JAKMIP1: variants seen among roughly 807,000 people sequenced by gnomAD.
JAKMIP1 encodes the protein janus kinase and microtubule-interacting protein 1.
In JAKMIP1, 33 loss-of-function variants were observed where a neutral mutation model predicts 113.0. The ratio of observed to expected loss-of-function variants is 0.29; its 90% CI spans 0.22 to 0.39. The LOEUF (loss-of-function observed/expected upper bound fraction) is 0.39. JAKMIP1 is among the 10% of genes least tolerant of loss of function. The pLI is 1.00. For synonymous variants in JAKMIP1, 480 were observed against 459.9 expected (o/e 1.04, Z -0.56); for missense variants, 813 against 1,080.5 (o/e 0.75, Z 3.47).
rs1005265871 is a variant in JAKMIP1 at position 6,185,322 on chromosome 4, G to A, written c.-148+14931C>T. ...TGCCCTAGTTCTTAAACTGGAGAGT[G>A]TATTGGAATTGCTCCGAGGGCTCAT... On this transcript the variant is annotated intron_variant, in intron 1 of 20. Transcript: ENST00000409021. The surrounding 1 kb of genome is among the most constrained non-coding windows in gnomAD (Gnocchi z 5.3). Among the ~76,000 whole-genome samples, 16 of 152,190 alleles carry A rather than the reference G, an allele frequency of 1.1e-4. No homozygotes were observed. The highest frequency in any genetic ancestry group is 3.9e-4 in the African/African-American group (16 of 41,452).
intron 1 of JAKMIP1, among the ~76,000 whole-genome samples, chr4:6,177,762 A>ATG (rs1360435234): frequency 6.6e-6 from 1 of 151,972 alleles, no homozygotes; most frequent in Non-Finnish European, 1.5e-5. Flanking sequence ...CTCCACCCCC[A>ATG]ATGCCACTAC....
Position 6,200,517 on chromosome 4 carries a change from C to A in JAKMIP1, c.-412G>T, listed in dbSNP as rs956583610. The stretch of plus-strand genomic sequence containing the variant: ...GCGGCACTGGTGGCCGCGATCCGGG[C>A]AGGCGGCCGGCGCGTGCCGCACGCG... On this transcript the variant is annotated 5_prime_UTR_variant, in exon 1 of 21. Transcript: ENST00000409021. The surrounding 1 kb of genome is among the most constrained non-coding windows in gnomAD (Gnocchi z 7.0). 1 of 150,822 alleles carries A rather than the reference C, an allele frequency of 6.6e-6. No homozygotes were observed. Among genetic ancestry groups the A allele is most frequent in the African/African-American group, 2.4e-5 (1 of 41,284 alleles). The allele number at this position is 150,822 out of a possible 1,614,324, so 9.3% of individuals were successfully genotyped here. A position where few individuals can be genotyped will look rare whatever the true frequency, so the allele number is the denominator to read the frequency against.
At chr4:6,128,856 C>T (rs1718110944) in intron 1 of JAKMIP1, among the ~76,000 whole-genome samples, 2 of 152,210 alleles carry the variant, frequency 1.3e-5, no homozygotes, top group South Asian at 4.1e-4. Context: ...TCAGCCACAC[C>T]TCACCCCTGC....
chr4:6,170,647 A>G (rs1724462160), intron 1 of JAKMIP1, among the ~76,000 whole-genome samples: 1 of 149,530 alleles, frequency 6.7e-6, no homozygotes, highest in Admixed American at 6.7e-5. Flanking sequence ...CACCTCTACC[A>G]TTACCACCAC....
chr4:6,145,932 T>C (rs1403502458), intron 1 of JAKMIP1, among the ~76,000 whole-genome samples: 1 of 152,100 alleles, frequency 6.6e-6, no homozygotes, highest in African/African-American at 2.4e-5. Flanking sequence ...AGGCCGTATC[T>C]CCAAATACTG....
At chr4:6,109,289 C>T (rs556583691) in intron 2 of JAKMIP1, among the ~76,000 whole-genome samples, 2 of 152,056 alleles carry the variant, frequency 1.3e-5, no homozygotes, top group South Asian at 2.1e-4. Context: ...CCCGCCACTG[C>T]GCCCGGCTAA....
In JAKMIP1 at chr4:6,154,656, G is replaced by C. The variant is rs1240241066; in HGVS notation, c.-147-41659C>G. 1.1e-4 allele frequency among the ~76,000 whole-genome samples: 17 copies of C among 151,754 alleles called. No individual in the cohort carries two copies. Among genetic ancestry groups the C allele is most frequent in the Non-Finnish European group, 1.3e-4 (9 of 67,976 alleles). On this transcript the variant is annotated intron_variant, in intron 1 of 20. Coordinates refer to ENST00000409021, the MANE Select transcript of JAKMIP1 (RefSeq NM_001099433.2). The surrounding 1 kb of genome is among the most constrained non-coding windows in gnomAD (Gnocchi z 4.2). ...GCACGCAGGGACTGTGCCCAACTCT[G>C]CAGCCCTGGCAAATGGAATTCTTTT...
chr4:6,167,780 G>A lies in JAKMIP1; in HGVS notation c.-148+32473C>T, dbSNP rs1431886523. 1.3e-5 allele frequency among the ~76,000 whole-genome samples: 2 copies of A among 152,158 alleles called. No individual in the cohort carries two copies. The highest frequency in any genetic ancestry group is 1.3e-4 in the Admixed American group (2 of 15,284). On this transcript the variant is annotated intron_variant, in intron 1 of 20. Coordinates refer to ENST00000409021, the MANE Select transcript of JAKMIP1 (RefSeq NM_001099433.2). The surrounding 1 kb of genome is among the most constrained non-coding windows in gnomAD (Gnocchi z 5.3). ...CACGCGGCTTTTCCACGGCTCTATG[G>A]CTGTCTTAAATTTCACTTGTGAGCA...
chr4:6,079,066 C>G (rs1720114472), intron 7 of JAKMIP1, 68 bp from the exon 8 acceptor site: 1 of 1,569,458 alleles, frequency 6.4e-7, no homozygotes, highest in Non-Finnish European at 8.8e-7. Context: ...GCCACTGGCT[C>G]TCAAAGGGAG....
In JAKMIP1 at chr4:6,192,953, GT is replaced by G. The variant is rs1329970767; in HGVS notation, c.-148+7299del. On this transcript the variant is annotated intron_variant, in intron 1 of 20. Transcript: ENST00000409021. The surrounding 1 kb of genome is among the most constrained non-coding windows in gnomAD (Gnocchi z 5.0). The stretch of plus-strand genomic sequence containing the variant: ...AGGATGCAAAGTATTGTTCCTGGGT[GT>G]GTCTGTGAGGGTGTTCCCAAAAGAG... Among the ~76,000 whole-genome samples, 1 of 152,200 alleles carries G rather than the reference GT, an allele frequency of 6.6e-6. No homozygotes were observed. The highest frequency in any genetic ancestry group is 1.5e-5 in the Non-Finnish European group (1 of 68,042).
chr4:6,164,896 C>T (rs1723427826), intron 1 of JAKMIP1, among the ~76,000 whole-genome samples: 1 of 152,160 alleles, frequency 6.6e-6, no homozygotes. Context: ...ACATGAAGTG[C>T]TTTCTTGAAA....
intron 1 of JAKMIP1, among the ~76,000 whole-genome samples, chr4:6,170,012 TCAC>T (rs1347088374): frequency 4.6e-4 from 25 of 54,420 alleles, no homozygotes; most frequent in African/African-American, 1.8e-3. Flanking sequence ...ACCACCACCC[TCAC>T]CACCACCACA....
At position 6,085,448 on chromosome 4, in the gene JAKMIP1, C is replaced by T; in HGVS notation, c.806G>A (p.Gly269Glu). The T allele has an allele frequency of 6.2e-7, 1 of 1,613,812 alleles. No individual in the cohort carries two copies. The highest frequency in any genetic ancestry group is 8.5e-7 in the Non-Finnish European group (1 of 1,180,000). Residue 269 changes from glycine (G) to glutamate (E), a missense_variant, in exon 4 of 21, where the codon GGG becomes GAG. Transcript: ENST00000409021. ...GACGCCCATGAGCTCCACCATGTCCCCGATCCCGGGCGGGAGCTCTCTCTT... is the reference window on the plus strand; with the variant it reads ...GACGCCCATGAGCTCCACCATGTCCTCGATCCCGGGCGGGAGCTCTCTCTT... Reference protein sequence around the residue: ...SPKRELPPGIGDMVELMGVQD... With the variant: ...SPKRELPPGIEDMVELMGVQD...
At chr4:6,052,716 T>C (rs925187355) in intron 13 of JAKMIP1, among the ~76,000 whole-genome samples, 3 of 149,486 alleles carry the variant, frequency 2.0e-5, no homozygotes, top group Non-Finnish European at 4.4e-5. Flanking sequence ...GTGGAGACCA[T>C]TAAAGAAAAC....
In JAKMIP1 at chr4:6,154,971, G is replaced by T. The variant is rs902302963; in HGVS notation, c.-147-41974C>A. On this transcript the variant is annotated intron_variant, in intron 1 of 20. Coordinates refer to ENST00000409021, the MANE Select transcript of JAKMIP1 (RefSeq NM_001099433.2). The surrounding 1 kb of genome is among the most constrained non-coding windows in gnomAD (Gnocchi z 4.2). ...GGGTAGGGTGGGGGGTCTTAGCTGG[G>T]GTGGAGCCTGAGCCTCAGAGGCTTC... Among the ~76,000 whole-genome samples the T allele has an allele frequency of 6.6e-6, 1 of 152,092 alleles. No individual in the cohort carries two copies. Among genetic ancestry groups the T allele is most frequent in the African/African-American group, 2.4e-5 (1 of 41,414 alleles).
Position 6,200,000 on chromosome 4 carries a change from G to T in JAKMIP1, c.-148+253C>A, listed in dbSNP as rs568931686. On this transcript the variant is annotated intron_variant, in intron 1 of 20. Coordinates refer to ENST00000409021, the MANE Select transcript of JAKMIP1 (RefSeq NM_001099433.2). The surrounding 1 kb of genome is among the most constrained non-coding windows in gnomAD (Gnocchi z 5.6). ...GTTGGGGGAAGCGACGCAGCGGCTG[G>T]GAGATTTTGCAAGGGGGTCTGAAGA... Among the ~76,000 whole-genome samples the T allele has an allele frequency of 1.3e-5, 2 of 149,814 alleles. No homozygotes were observed. Among genetic ancestry groups the T allele is most frequent in the Admixed American group, 1.3e-4 (2 of 15,132 alleles).
At position 6,193,762 on chromosome 4, in the gene JAKMIP1, G is replaced by A. The variant is rs538908515; in HGVS notation, c.-148+6491C>T. 2.6e-5 allele frequency among the ~76,000 whole-genome samples: 4 copies of A among 152,296 alleles called. No homozygotes were observed. Among genetic ancestry groups the A allele is most frequent in the Non-Finnish European group, 5.9e-5 (4 of 68,038 alleles). On this transcript the variant is annotated intron_variant, in intron 1 of 20. Transcript: ENST00000409021. This position sits in a 1 kb window ranked among gnomAD's most constrained non-coding sequence, Gnocchi z 6.4. Reference sequence around the variant, plus strand: ...GATGCTGATCATGGGAGGCTGAACTGATGCATTAGTGAGCAGGGGAGGAGA... The same window carrying A: ...GATGCTGATCATGGGAGGCTGAACTAATGCATTAGTGAGCAGGGGAGGAGA...
intron 20 of JAKMIP1, among the ~76,000 whole-genome samples, chr4:6,028,397 C>T (rs1018349914): frequency 2.6e-5 from 4 of 152,190 alleles, no homozygotes; most frequent in South Asian, 4.1e-4. Context: ...ACTTGCGACC[C>T]GGCAGGGCCC....
rs570147463 is a variant in JAKMIP1, at chr4:6,080,702, C to T, written c.1102-390G>A. Among the ~76,000 whole-genome samples the T allele has an allele frequency of 5.3e-4, 80 of 152,240 alleles. 1 individual carries two copies. In the East Asian group the frequency reaches 7.9e-3, roughly 15 times the overall value. ...CATGATTGTGAGGCCTCCCCAGCCACGTGAAACTGTGAGTCCATTAAACCT... is the reference window on the plus strand; with the variant it reads ...CATGATTGTGAGGCCTCCCCAGCCATGTGAAACTGTGAGTCCATTAAACCT... On this transcript the variant is annotated intron_variant, in intron 6 of 20. Transcript: ENST00000409021. The surrounding 1 kb of genome is among the most constrained non-coding windows in gnomAD (Gnocchi z 6.0).
Sources: allele counts gnomAD v4.1 joint callset (sites outside exome capture counted in the v4.1 genomes callset), GRCh38; gene constraint gnomAD v4.1.1; non-coding constraint Gnocchi (gnomAD v3.1); transcripts MANE v1.5; gene names NCBI Gene and HGNC (gene_info 2026-07-23, HGNC 2026-07-21).